The following ZNF793 variants were observed in gnomAD, a reference collection of about 807,000 sequenced individuals.
ZNF793 encodes the protein zinc finger protein 793.
In ZNF793, 5 loss-of-function variants were observed where a neutral mutation model predicts 12.4. That is an observed-to-expected ratio of 0.40 (90% CI 0.21 to 0.84). The LOEUF (loss-of-function observed/expected upper bound fraction) is 0.84. ZNF793 is among the 40% of genes least tolerant of loss of function. The pLI, the probability that ZNF793 is intolerant of heterozygous loss-of-function variation, is 0.35. For synonymous variants in ZNF793, 162 were observed against 172.4 expected, an observed-to-expected ratio of 0.94 and a Z score of 0.47; for missense variants, 456 against 495.0, an observed-to-expected ratio of 0.92 and a Z score of 0.75.
chr19:37,512,731 A>G (rs1054043585), intron 2 of ZNF793, among the ~76,000 whole-genome samples: 10 of 152,324 alleles, frequency 6.6e-5, no homozygotes, highest in African/African-American at 1.4e-4. Context: ...TAACCACAAT[A>G]TAATGATCGA....
intron 7 of ZNF793, chr19:37,536,576 G>A (rs991600688): frequency 1.3e-4 from 54 of 410,130 alleles, no homozygotes; most frequent in African/African-American, 8.0e-4. Context: ...ATGGTATGGC[G>A]GGAGAGTTGA....
At chr19:37,514,528 C>A (rs1032693078) in intron 2 of ZNF793, among the ~76,000 whole-genome samples, 1 of 151,814 alleles carries the variant, frequency 6.6e-6, no homozygotes, top group Non-Finnish European at 1.5e-5. Flanking sequence ...TGCACTCCAG[C>A]GTGGGTGACA....
chr19:37,531,831 C>T (rs1386244001), intron 5 of ZNF793, among the ~76,000 whole-genome samples: 1 of 152,218 alleles, frequency 6.6e-6, no homozygotes, highest in Non-Finnish European at 1.5e-5. Flanking sequence ...ACCCCAGCAA[C>T]ACACAGTGGG....
chr19:37,523,448 A>C lies in ZNF793; in HGVS notation c.9A>C (p.Glu3Asp). The C allele has an allele frequency of 1.2e-6, 2 of 1,613,816 alleles. No individual in the cohort carries two copies. Among genetic ancestry groups the C allele is most frequent in the Non-Finnish European group, 1.7e-6 (2 of 1,179,738 alleles). MI[E>D]YQIPVSFKDV... is the part of the protein sequence containing the mutation. The stretch of plus-strand genomic sequence containing the variant: ...TTCAAGAACAGCAGAAAATGATCGA[A>C]TACCAGGTAAGTATCACATTAAGTA... Residue 3 changes from glutamate (E) to aspartate (D), a missense_variant, in exon 5 of 8, where the codon GAA becomes GAC. Glu to Asp is a conservative substitution (Grantham distance 45, BLOSUM62 2). Coordinates refer to ENST00000627814, the MANE Select transcript of ZNF793 (RefSeq NM_001013659.3).
At chr19:37,532,527 C>A in intron 6 of ZNF793, 45 bp downstream of exon 6, 1 of 1,513,996 alleles carries the variant, frequency 6.6e-7, no homozygotes, top group Non-Finnish European at 8.8e-7. Context: ...TTCGAATGAC[C>A]ACCTTTCCTT....
At position 37,537,759 on chromosome 19, in the gene ZNF793, T is replaced by C. The variant is rs766213976; in HGVS notation, c.1101T>C (p.Tyr367=). The C allele has an allele frequency of 1.9e-6, 3 of 1,614,108 alleles. No homozygotes were observed. The highest frequency in any genetic ancestry group is 1.1e-5 in the South Asian group (1 of 91,086). The part of the protein sequence containing the change: ...HWRTHTGEKP[Y]GCNECGKAFY... ...GAACTCACACAGGAGAGAAGCCCTA[T>C]GGGTGCAATGAATGTGGGAAAGCTT... The change falls in exon 8 of 8, where the codon TAT becomes TAC. Residue 367 remains tyrosine, a synonymous_variant. Coordinates refer to ENST00000627814, the MANE Select transcript of ZNF793 (RefSeq NM_001013659.3).
At chr19:37,532,536 T>C (rs2042470323) in intron 6 of ZNF793, 54 bp downstream of exon 6, 2 of 1,505,696 alleles carry the variant, frequency 1.3e-6, no homozygotes, top group Non-Finnish European at 1.8e-6. Context: ...CCACCTTTCC[T>C]TTCTCAGTTG....
In ZNF793 at chr19:37,542,609, GA is replaced by G; in HGVS notation, c.*4733del. On this transcript the variant is annotated 3_prime_UTR_variant, in exon 8 of 8. Transcript: ENST00000627814. ...AATACCCATCAACTGGGAAATTGTA[GA>G]AAGGAAAAAACTATAGTGTATCCAT... 2 of 257,310 alleles carry G rather than the reference GA, an allele frequency of 7.8e-6. No homozygotes were observed. Among genetic ancestry groups the G allele is most frequent in the South Asian group, 8.1e-5 (2 of 24,690 alleles). The allele number at this position is 257,310 out of a possible 1,614,324, so 15.9% of individuals were successfully genotyped here.
chr19:37,534,069 G>A (rs1327273016), intron 7 of ZNF793: 1 of 152,412 alleles, frequency 6.6e-6, no homozygotes, highest in Non-Finnish European at 1.5e-5. Context: ...TGAGACTGTG[G>A]TATCCCGGTT....
chr19:37,508,610 G>T (rs2147049994), intron 2 of ZNF793, among the ~76,000 whole-genome samples: 2 of 152,202 alleles, frequency 1.3e-5, no homozygotes, highest in Middle Eastern at 3.4e-3. Flanking sequence ...GGAGGCTGAG[G>T]CAGGAGAATC....
At chr19:37,508,804 T>C (rs1325103833) in intron 2 of ZNF793, among the ~76,000 whole-genome samples, 1 of 152,252 alleles carries the variant, frequency 6.6e-6, no homozygotes, top group Non-Finnish European at 1.5e-5. Context: ...AATACTTTTA[T>C]CTAGGCTCAA....
At chr19:37,536,423 C>T (rs1284515616) in intron 7 of ZNF793, 7 of 400,134 alleles carry the variant, frequency 1.7e-5, no homozygotes, top group Non-Finnish European at 3.1e-5. Context: ...TGCTGGATAG[C>T]AAGGTACTGT....
Position 37,537,466 on chromosome 19 carries a change from C to G in ZNF793, c.808C>G (p.Leu270Val). Residue 270 changes from leucine to valine, a missense_variant, in exon 8 of 8, where the codon CTC becomes GTC. Transcript: ENST00000627814. ...GAAAGCCTTTTCACATAAGTCAACC[C>G]TCATCAAACACCAGAGAATTCACAC... The part of the protein sequence containing the change: ...CGKAFSHKST[L>V]IKHQRIHTGV... 1 of 1,613,914 alleles carries G rather than the reference C, an allele frequency of 6.2e-7. No homozygotes were observed. The highest frequency in any genetic ancestry group is 2.2e-5 in the East Asian group (1 of 44,882).
intron 2 of ZNF793, among the ~76,000 whole-genome samples, chr19:37,509,321 A>G (rs2042275101): frequency 6.6e-6 from 1 of 152,228 alleles, no homozygotes; most frequent in Admixed American, 6.5e-5. Flanking sequence ...TATAAGTGAG[A>G]ACATGCAGTA....
intron 2 of ZNF793, among the ~76,000 whole-genome samples, chr19:37,516,646 C>CT (rs893953758): frequency 8.7e-5 from 13 of 149,206 alleles, no homozygotes; most frequent in East Asian, 3.9e-4. Flanking sequence ...AAGATTGACT[C>CT]TTTTTTTTTT....
Position 37,532,314 on chromosome 19 carries a change from AT to A in ZNF793, c.16-34del, listed in dbSNP as rs750950599. ...CCACCATGCCTGGCCCTGCACAAAC[AT>A]TTTTTTTCGACATGACTCAATGTCA... On this transcript the variant is annotated intron_variant, in intron 5 of 7. Coordinates refer to ENST00000627814, the MANE Select transcript of ZNF793 (RefSeq NM_001013659.3). The A allele has an allele frequency of 1.9e-5, 31 of 1,590,624 alleles. No individual in the cohort carries two copies. In the Admixed American group the frequency reaches 2.9e-4, roughly 15 times the overall value.
rs779050139 is a variant in ZNF793 at position 37,537,277 on chromosome 19, C to T, written c.619C>T (p.Pro207Ser). ...CCAGAACCCGGCACTTATGTATAAA[C>T]CAGCAGTAAGTGATTCTCTCTTGTA... ...FTQNPALMYK[P>S]AVSDSLLYKR... The change falls in exon 8 of 8, where the codon CCA becomes TCA. Residue 207 changes from proline (P) to serine (S), a missense_variant. Transcript: ENST00000627814. 2 of 1,613,674 alleles carry T rather than the reference C, an allele frequency of 1.2e-6. No homozygotes were observed. The highest frequency in any genetic ancestry group is 2.2e-5 in the East Asian group (1 of 44,890).
At position 37,532,460 on chromosome 19, in the gene ZNF793, C is replaced by CT; in HGVS notation, c.121dup (p.Tyr41LeufsTer2). ...TGTACCGGGATGTGATGCTGGAAACCTATAGCAACCTCGTCTCAGTGGGTA... is the reference window on the plus strand; with the variant it reads ...TGTACCGGGATGTGATGCTGGAAACCTTATAGCAACCTCGTCTCAGTGGGTA... On this transcript the variant is annotated frameshift_variant, in exon 6 of 8. Transcript: ENST00000627814. LOFTEE classifies it high-confidence loss of function. The CT allele has an allele frequency of 1.2e-6, 2 of 1,609,778 alleles. No individual in the cohort carries two copies. Among genetic ancestry groups the CT allele is most frequent in the Non-Finnish European group, 1.7e-6 (2 of 1,177,910 alleles).
intron 2 of ZNF793, among the ~76,000 whole-genome samples, chr19:37,510,466 GA>G: frequency 6.8e-6 from 1 of 146,736 alleles, no homozygotes; most frequent in South Asian, 2.2e-4. Context: ...AGTGAGCCGA[GA>G]TTGCACCACT....
Sources: allele counts gnomAD v4.1 joint callset (sites outside exome capture counted in the v4.1 genomes callset), GRCh38; gene constraint gnomAD v4.1.1; transcripts MANE v1.5; gene names NCBI Gene and HGNC (gene_info 2026-07-23, HGNC 2026-07-21).